ZBTB21: variants seen among roughly 807,000 people sequenced by gnomAD.
ZBTB21 encodes the protein zinc finger and BTB domain containing 21.
A neutral mutation model predicts 39.8 loss-of-function variants in ZBTB21; 10 were observed. That is an observed-to-expected ratio of 0.25 (90% CI 0.16 to 0.43). The LOEUF is 0.43. Among genes scored for constraint, ZBTB21 ranks in the 20% least tolerant of loss-of-function variants. ZBTB21 has a pLI of 1.00. For synonymous variants in ZBTB21, 551 were observed against 498.8 expected, an observed-to-expected ratio of 1.10 and a Z score of -1.40; for missense variants, 1,221 against 1,296.3, an observed-to-expected ratio of 0.94 and a Z score of 0.89.
Position 41,991,500 on chromosome 21 carries a change from C to T in ZBTB21, c.2596G>A (p.Glu866Lys), listed in dbSNP as rs753338432. Reference protein sequence around the residue: ...FDSEDSSCLPEDLSLSKQLKI... With the variant: ...FDSEDSSCLPKDLSLSKQLKI... ...AGTTGCTTGGAAAGACTAAGGTCTT[C>T]GGGAAGACAAGAGGAATCTTCCGAG... The change falls in exon 3 of 3, where the codon GAA (glutamate) becomes AAA (lysine). Residue 866 changes from glutamate to lysine, a missense_variant. Glu to Lys is a moderately conservative substitution (Grantham distance 56). This residue lies in a region of ZBTB21 where 523 missense variants were observed against 542.5 expected (regional missense o/e 0.96). Coordinates refer to ENST00000310826, the MANE Select transcript of ZBTB21 (RefSeq NM_001098402.2). This position sits in a 1 kb window ranked among gnomAD's most constrained non-coding sequence, Gnocchi z 4.9. The T allele has an allele frequency of 2.6e-5, 42 of 1,613,988 alleles. No individual in the cohort carries two copies. Among genetic ancestry groups the T allele is most frequent in the Non-Finnish European group, 3.2e-5 (38 of 1,180,026 alleles).
In ZBTB21 at chr21:42,001,963, C is replaced by T. The variant is rs535598664; in HGVS notation, c.-14+934G>A. On this transcript the variant is annotated intron_variant, in intron 2 of 2. Coordinates refer to ENST00000310826, the MANE Select transcript of ZBTB21 (RefSeq NM_001098402.2). Reference sequence around the variant, plus strand: ...GAGACAAGACAGAGCAGGAGGAATCCAAGGGAACCACAGGTGGCTTTGCCT... The same window carrying T: ...GAGACAAGACAGAGCAGGAGGAATCTAAGGGAACCACAGGTGGCTTTGCCT... Among the ~76,000 whole-genome samples the T allele has an allele frequency of 5.9e-5, 9 of 152,276 alleles. No homozygotes were observed. The South Asian group carries it at 1.0e-3, about 18-fold the overall frequency.
At chr21:42,009,342 G>A (rs951762581) in intron 1 of ZBTB21, 17 of 152,384 alleles carry the variant, frequency 1.1e-4, no homozygotes, top group African/African-American at 3.8e-4. Flanking sequence ...AAAAGCAGGA[G>A]CCGCTGAGGA....
Position 41,991,588 on chromosome 21 carries a change from G to A in ZBTB21, c.2508C>T (p.Asn836=). 1 of 1,614,182 alleles carries A rather than the reference G, an allele frequency of 6.2e-7. No homozygotes were observed. The highest frequency in any genetic ancestry group is 8.5e-7 in the Non-Finnish European group (1 of 1,180,028). Residue 836 remains asparagine, a synonymous_variant, in exon 3 of 3, where the codon AAC becomes AAT. Coordinates refer to ENST00000310826, the MANE Select transcript of ZBTB21 (RefSeq NM_001098402.2). The surrounding 1 kb of genome is among the most constrained non-coding windows in gnomAD (Gnocchi z 4.9). ...PQSQPEPNKV[N]HIVTTKDDNV... The stretch of plus-strand genomic sequence containing the variant: ...TGTCGTCTTTTGTGGTGACGATGTG[G>A]TTTACTTTGTTGGGCTCAGGCTGGG...
chr21:41,989,655 T>G lies in ZBTB21; in HGVS notation c.*1240A>C, dbSNP rs1416326036. The stretch of plus-strand genomic sequence containing the variant: ...GCAAAATAAGTAGCTAAAACTAATT[T>G]TGGACCACTGATAGTGCTCTAATAC... On this transcript the variant is annotated 3_prime_UTR_variant, in exon 3 of 3. Coordinates refer to ENST00000310826, the MANE Select transcript of ZBTB21 (RefSeq NM_001098402.2). The G allele has an allele frequency of 6.6e-6, 1 of 152,178 alleles. No individual in the cohort carries two copies. Among genetic ancestry groups the G allele is most frequent in the African/African-American group, 2.4e-5 (1 of 41,454 alleles). 9.4% of individuals were successfully genotyped at this position (152,178 alleles called of 1,614,324 possible). A position where few individuals can be genotyped will look rare whatever the true frequency, so the allele number is the denominator to read the frequency against.
At chr21:42,004,381 T>C (rs566982101) in intron 1 of ZBTB21, among the ~76,000 whole-genome samples, 20 of 152,206 alleles carry the variant, frequency 1.3e-4, no homozygotes, top group African/African-American at 4.3e-4. Context: ...AAATCAGTTG[T>C]ATGGAATTAA....
intron 1 of ZBTB21, among the ~76,000 whole-genome samples, chr21:42,005,574 TTTCTG>T (rs1295135810): frequency 3.3e-5 from 5 of 152,204 alleles, no homozygotes; most frequent in Non-Finnish European, 7.3e-5. Context: ...AGCCAGACAG[TTTCTG>T]TTCTTGTTAT....
intron 2 of ZBTB21, among the ~76,000 whole-genome samples, chr21:42,001,885 AG>A (rs781167384): frequency 1.3e-5 from 2 of 152,246 alleles, no homozygotes; most frequent in Non-Finnish European, 2.9e-5. Flanking sequence ...GATAATAAGT[AG>A]CAGGGCAAGA....
In ZBTB21 at chr21:41,992,880, G is replaced by A. The variant is rs866691451; in HGVS notation, c.1216C>T (p.Arg406Cys). The change falls in exon 3 of 3, where the codon CGC becomes TGC. Residue 406 changes from arginine to cysteine, a missense_variant. This residue lies in a region of ZBTB21 where 500 missense variants were observed against 465.6 expected (regional missense o/e 1.07). Coordinates refer to ENST00000310826, the MANE Select transcript of ZBTB21 (RefSeq NM_001098402.2). This position sits in a 1 kb window ranked among gnomAD's most constrained non-coding sequence, Gnocchi z 4.1. ...DDRPQVLQPH[R>C]LRSFSASQST... Reference sequence around the variant, plus strand: ...TGAGAAGCACTAAAGGACCTGAGGCGATGCGGTTGTAGCACTTGAGGCCTG... The same window carrying A: ...TGAGAAGCACTAAAGGACCTGAGGCAATGCGGTTGTAGCACTTGAGGCCTG... 7 of 1,614,156 alleles carry A rather than the reference G, an allele frequency of 4.3e-6. No individual in the cohort carries two copies. The highest frequency in any genetic ancestry group is 1.7e-5 in the Admixed American group (1 of 60,030).
At position 41,993,731 on chromosome 21, in the gene ZBTB21, G is replaced by C. The variant is rs777665201; in HGVS notation, c.365C>G (p.Pro122Arg). The C allele has an allele frequency of 6.2e-7, 1 of 1,614,152 alleles. No homozygotes were observed. Among genetic ancestry groups the C allele is most frequent in the Non-Finnish European group, 8.5e-7 (1 of 1,180,030 alleles). Reference protein sequence around the residue: ...SFLTNIVSKTPQAPFPTCPNR... With the variant: ...SFLTNIVSKTRQAPFPTCPNR... ...AGGACACGTTGGAAAGGGGGCTTGA[G>C]GTGTTTTAGAAACGATGTTAGTCAG... is the stretch of plus-strand genomic sequence containing the variant. Residue 122 changes from proline to arginine, a missense_variant, in exon 3 of 3, where the codon CCT (proline) becomes CGT (arginine). Physicochemically the swap from Pro to Arg is moderately radical, Grantham distance 103. This residue lies in a region of ZBTB21 where 108 missense variants were observed against 155.0 expected (regional missense o/e 0.70). Coordinates refer to ENST00000310826, the MANE Select transcript of ZBTB21 (RefSeq NM_001098402.2).
rs114704080 is a variant in ZBTB21 at position 42,006,091 on chromosome 21, T to G, written c.-78-3130A>C. Among the ~76,000 whole-genome samples the G allele has an allele frequency of 2.5e-3, 382 of 152,198 alleles. 4 individuals are homozygous for G. Among genetic ancestry groups the G allele is most frequent in the African/African-American group, 8.8e-3 (366 of 41,524 alleles). ...AAATTTTTAAAACAATGACTAAAGG[T>G]CTCTATAAAATCTGGTTTCAAATGA... On this transcript the variant is annotated intron_variant, in intron 1 of 2. Coordinates refer to ENST00000310826, the MANE Select transcript of ZBTB21 (RefSeq NM_001098402.2).
Position 41,992,700 on chromosome 21 carries a change from G to C in ZBTB21, c.1396C>G (p.Leu466Val). The C allele has an allele frequency of 6.2e-7, 1 of 1,614,168 alleles. No individual in the cohort carries two copies. The highest frequency in any genetic ancestry group is 1.3e-5 in the African/African-American group (1 of 75,020). ...AASSSSVTRD[L>V]SLKTEDDQKD... ...TGGTCATCTTCTGTTTTCAGAGACA[G>C]GTCTCTTGTGACCGACGAAGATGAG... is the stretch of plus-strand genomic sequence containing the variant. Residue 466 changes from leucine to valine, a missense_variant, in exon 3 of 3, where the codon CTG (leucine) becomes GTG (valine). By Grantham distance (32) the Leu-to-Val change is conservative (BLOSUM62 1). This residue lies in a region of ZBTB21 where 500 missense variants were observed against 465.6 expected (regional missense o/e 1.07). Coordinates refer to ENST00000310826, the MANE Select transcript of ZBTB21 (RefSeq NM_001098402.2). This position sits in a 1 kb window ranked among gnomAD's most constrained non-coding sequence, Gnocchi z 4.1.
chr21:42,002,440 C>T (rs974820422), intron 2 of ZBTB21: 1 of 152,166 alleles, frequency 6.6e-6, no homozygotes, highest in African/African-American at 2.4e-5. Context: ...TCCAGCAAGA[C>T]TGTTTGTGGC....
intron 2 of ZBTB21, among the ~76,000 whole-genome samples, chr21:41,998,399 C>T (rs1250303802): frequency 6.6e-6 from 1 of 152,072 alleles, no homozygotes; most frequent in Admixed American, 6.5e-5. Context: ...CCATATTAGC[C>T]AGACTGGTCC....
intron 1 of ZBTB21, among the ~76,000 whole-genome samples, chr21:42,003,752 G>C (rs183900055): frequency 6.0e-4 from 91 of 152,322 alleles, no homozygotes; most frequent in Non-Finnish European, 1.1e-3. Context: ...AAGCATTTCA[G>C]ATAAGGGATA....
chr21:42,001,473 C>T (rs1466193365), intron 2 of ZBTB21, among the ~76,000 whole-genome samples: 3 of 152,288 alleles, frequency 2.0e-5, no homozygotes, highest in Admixed American at 6.5e-5. Context: ...GAGAACAGGT[C>T]AATTCATCAG....
At chr21:41,996,006 A>G (rs906874724) in intron 2 of ZBTB21, among the ~76,000 whole-genome samples, 4 of 152,218 alleles carry the variant, frequency 2.6e-5, no homozygotes, top group African/African-American at 9.7e-5. Context: ...ATGTATGAGA[A>G]CACCTGTATA....
At chr21:41,998,100 C>T (rs1451871171) in intron 2 of ZBTB21, among the ~76,000 whole-genome samples, 2 of 152,072 alleles carry the variant, frequency 1.3e-5, no homozygotes, top group African/African-American at 2.4e-5. Flanking sequence ...ACTCTCGATG[C>T]AGACAAAGCC....
At chr21:41,999,839 G>A (rs1325791103) in intron 2 of ZBTB21, among the ~76,000 whole-genome samples, 3 of 152,194 alleles carry the variant, frequency 2.0e-5, no homozygotes, top group African/African-American at 4.8e-5. Context: ...AAGTAAGACC[G>A]TCTAGGGCTG....
intron 2 of ZBTB21, among the ~76,000 whole-genome samples, chr21:42,000,199 G>A (rs1355915931): frequency 6.6e-6 from 1 of 152,160 alleles, no homozygotes; most frequent in East Asian, 1.9e-4. Context: ...GAGAGATGGG[G>A]TTTGACAGAA....
Sources: allele counts gnomAD v4.1 joint callset (sites outside exome capture counted in the v4.1 genomes callset), GRCh38; gene constraint gnomAD v4.1.1; regional missense constraint gnomAD v4.1.1; non-coding constraint Gnocchi (gnomAD v3.1); transcripts MANE v1.5; gene names NCBI Gene and HGNC (gene_info 2026-07-23, HGNC 2026-07-21).